TRPC5: variants seen among roughly 807,000 people sequenced by gnomAD.
The protein encoded by TRPC5 is short transient receptor potential channel 5.
Under a neutral mutation model 56.5 loss-of-function variants are expected in TRPC5, and 9 were observed. The ratio of observed to expected loss-of-function variants is 0.16; its 90% CI spans 0.10 to 0.28. The LOEUF is 0.28. Ranked by LOEUF, TRPC5 falls within the 10% of genes least tolerant of loss-of-function variation. TRPC5 has a pLI of 1.00. For missense variants in TRPC5, 469 were observed against 748.9 expected, an observed-to-expected ratio of 0.63 and a Z score of 4.36; for synonymous variants, 282 against 278.5, an observed-to-expected ratio of 1.01 and a Z score of -0.13.
At position 111,992,193 on chromosome X, in the gene TRPC5, A is replaced by G. The variant is rs1196863866; in HGVS notation, c.-21-39752T>C. The stretch of plus-strand genomic sequence containing the variant: ...AATTTGTGCTTGGGCACAGGGTAAG[A>G]CTAGAAAATGGTGGGAAGGAGGGCT... On this transcript the variant is annotated intron_variant, in intron 1 of 10. Transcript: ENST00000262839. Among the ~76,000 whole-genome samples, 6 of 112,270 alleles carry G rather than the reference A, an allele frequency of 5.3e-5. No homozygotes were observed. The East Asian group carries it at 1.4e-3, about 26-fold the overall frequency.
intron 1 of TRPC5, among the ~76,000 whole-genome samples, chrX:111,999,551 C>T (rs73548155): frequency 0.06 from 6,698 of 112,008 alleles, 489 homozygotes; most frequent in African/African-American, 0.2. Flanking sequence ...CATACCTTGA[C>T]TATTGTGAAT....
intron 5 of TRPC5, among the ~76,000 whole-genome samples, chrX:111,850,350 T>C (rs1250370004): frequency 8.9e-6 from 1 of 111,973 alleles, no homozygotes; most frequent in African/African-American, 3.2e-5. Flanking sequence ...TGTTGACTAA[T>C]TTTGCACTCT....
intron 7 of TRPC5, among the ~76,000 whole-genome samples, chrX:111,831,352 GAGTCTCTGCTTTGAA>G (rs1172108800): frequency 1.8e-5 from 2 of 112,442 alleles, no homozygotes; most frequent in African/African-American, 3.2e-5. Context: ...GCTGCTTTGA[GAGTCTCTGCTTTGAA>G]AGTCTCTGCT....
intron 3 of TRPC5, among the ~76,000 whole-genome samples, chrX:111,891,495 A>G (rs1285526574): frequency 1.8e-5 from 2 of 111,625 alleles, no homozygotes; most frequent in Non-Finnish European, 3.8e-5. Context: ...CATATCCTCA[A>G]TTGTAAAATA....
chrX:112,050,125 G>A (rs111636737), intron 1 of TRPC5, among the ~76,000 whole-genome samples: 5,694 of 112,086 alleles, frequency 0.051, 349 homozygotes, highest in African/African-American at 0.17. Context: ...TCAGTGAGCC[G>A]AGATTGTACC....
At chrX:111,932,057 G>A (rs915321608) in intron 2 of TRPC5, among the ~76,000 whole-genome samples, 2 of 111,579 alleles carry the variant, frequency 1.8e-5, no homozygotes, top group Non-Finnish European at 3.8e-5. Context: ...GCTGCAAAGG[G>A]AGGAGTGAAA....
chrX:111,857,990 C>T (rs945415142), intron 3 of TRPC5, among the ~76,000 whole-genome samples: 1 of 112,502 alleles, frequency 8.9e-6, no homozygotes, highest in African/African-American at 3.2e-5. Context: ...CTCTGATTTT[C>T]AATTTGGCTC....
chrX:112,007,893 G>A (rs1021786347), intron 1 of TRPC5, among the ~76,000 whole-genome samples: 3 of 111,488 alleles, frequency 2.7e-5, no homozygotes, highest in Admixed American at 1.9e-4. Context: ...CCAGAATGGC[G>A]GAGTTTACCA....
At chrX:111,912,876 C>T in intron 2 of TRPC5, 64 bp from the exon 3 acceptor site, 2 of 1,081,726 alleles carry the variant, frequency 1.8e-6, no homozygotes, top group Non-Finnish European at 2.5e-6. Context: ...AAGCATAGGG[C>T]CTATAAAATG....
intron 1 of TRPC5, among the ~76,000 whole-genome samples, chrX:111,967,819 A>T (rs1415415849): frequency 8.9e-6 from 1 of 112,107 alleles, no homozygotes; most frequent in African/African-American, 3.3e-5. Flanking sequence ...TACAAAAATT[A>T]ATTCAGGATG....
At chrX:111,778,730 C>A (rs1945897975) in intron 10 of TRPC5, among the ~76,000 whole-genome samples, 1 of 112,048 alleles carries the variant, frequency 8.9e-6, no homozygotes, top group Non-Finnish European at 1.9e-5. Flanking sequence ...AATTTCCACA[C>A]TGAGAAACAC....
Position 111,901,703 on chromosome X carries a change from T to G in TRPC5, c.900+10588A>C, listed in dbSNP as rs150422656. ...TCTACTGTTCTCATTCTTTACTTGA[T>G]CACCATCATAATCATATCAACATCC... On this transcript the variant is annotated intron_variant, in intron 3 of 10. Transcript: ENST00000262839. The G allele has an allele frequency of 2.4e-4, 100 of 413,244 alleles. No homozygotes were observed. In the East Asian group the frequency reaches 3.8e-3, roughly 16 times the overall value. 34.1% of individuals were successfully genotyped at this position (413,244 alleles called of 1,213,427 possible).
At chrX:111,828,290 C>T (rs1048922821) in intron 7 of TRPC5, among the ~76,000 whole-genome samples, 1 of 111,489 alleles carries the variant, frequency 9.0e-6, no homozygotes. Flanking sequence ...AGGGATCCAG[C>T]GGGAGGTAAT....
intron 10 of TRPC5, 67 bp from the exon 11 acceptor site, chrX:111,777,069 A>T: frequency 1.1e-6 from 1 of 938,442 alleles, no homozygotes; most frequent in Non-Finnish European, 1.4e-6. Context: ...GGCACATTAG[A>T]TACCTTTGGT....
chrX:111,927,889 G>A (rs1053264700), intron 2 of TRPC5, among the ~76,000 whole-genome samples: 3 of 108,677 alleles, frequency 2.8e-5, no homozygotes, highest in Non-Finnish European at 3.8e-5. Context: ...GAAGCACCCT[G>A]GGGCAATTTT....
intron 7 of TRPC5, among the ~76,000 whole-genome samples, chrX:111,819,365 C>T (rs753488034): frequency 5.4e-5 from 6 of 111,662 alleles, no homozygotes; most frequent in Admixed American, 9.5e-5. Flanking sequence ...ACCATTCTAG[C>T]AGATGTGGTA....
At chrX:112,013,465 A>T (rs1325015767) in intron 1 of TRPC5, among the ~76,000 whole-genome samples, 1 of 111,526 alleles carries the variant, frequency 9.0e-6, no homozygotes, top group African/African-American at 3.3e-5. Context: ...TTTGAAACAG[A>T]ACAGTTTAGA....
chrX:111,943,898 G>T (rs1603110738), intron 2 of TRPC5, among the ~76,000 whole-genome samples: 2 of 112,287 alleles, frequency 1.8e-5, no homozygotes, highest in African/African-American at 6.5e-5. Flanking sequence ...AGTACCGTTT[G>T]CCAGCTGGTC....
At chrX:111,802,920 G>T (rs745836925) in intron 7 of TRPC5, among the ~76,000 whole-genome samples, 7 of 109,970 alleles carry the variant, frequency 6.4e-5, no homozygotes, top group African/African-American at 1.7e-4. Flanking sequence ...CAACCTGCAG[G>T]TTCAATACAT....
Sources: allele counts gnomAD v4.1 joint callset (sites outside exome capture counted in the v4.1 genomes callset), GRCh38; gene constraint gnomAD v4.1.1; transcripts MANE v1.5; gene names NCBI Gene and HGNC (gene_info 2026-07-23, HGNC 2026-07-21).